KCNB2: variants seen among roughly 807,000 people sequenced by gnomAD.
The protein encoded by KCNB2 is potassium voltage-gated channel subfamily B member 2.
Under a neutral mutation model 61.5 loss-of-function variants are expected in KCNB2, and 15 were observed. That is an observed-to-expected ratio of 0.24 (90% confidence interval 0.16 to 0.38). The LOEUF is 0.38. KCNB2 is among the 10% of genes least tolerant of loss of function. The pLI, the probability that KCNB2 is intolerant of heterozygous loss-of-function variation, is 1.00. For synonymous variants in KCNB2, 457 were observed against 446.0 expected (o/e 1.02, Z -0.31); for missense variants, 828 against 1,125.2 (o/e 0.74, Z 3.78).
chr8:72,539,350 C>T (rs1373124974), intron 1 of KCNB2, among the ~76,000 whole-genome samples: 3 of 152,206 alleles, frequency 2.0e-5, no homozygotes, highest in African/African-American at 7.2e-5. Flanking sequence ...TTCTTCCCCA[C>T]TGAAGGAAAA....
chr8:72,645,687 A>C (rs905730572), intron 2 of KCNB2, among the ~76,000 whole-genome samples: 1 of 152,224 alleles, frequency 6.6e-6, no homozygotes, highest in South Asian at 2.1e-4. Flanking sequence ...CTCACAACTA[A>C]ACTGAATTAT....
At chr8:72,546,125 T>G (rs1233113837) in intron 1 of KCNB2, among the ~76,000 whole-genome samples, 1 of 152,158 alleles carries the variant, frequency 6.6e-6, no homozygotes, top group Non-Finnish European at 1.5e-5. Flanking sequence ...TGTTCTTTGT[T>G]CTCTGTTCTT....
chr8:72,928,795 T>C (rs1003559542), intron 2 of KCNB2, among the ~76,000 whole-genome samples: 1 of 151,088 alleles, frequency 6.6e-6, no homozygotes, highest in South Asian at 2.1e-4. Context: ...TTAATAAACA[T>C]TGGCAAACTA....
chr8:72,771,126 A>G (rs1474846834), intron 2 of KCNB2, among the ~76,000 whole-genome samples: 1 of 152,250 alleles, frequency 6.6e-6, no homozygotes, highest in Non-Finnish European at 1.5e-5. Context: ...GGTTGCAATT[A>G]CTACACCAGA....
chr8:72,822,238 T>C (rs1199962399), intron 2 of KCNB2, among the ~76,000 whole-genome samples: 1 of 152,260 alleles, frequency 6.6e-6, no homozygotes, highest in Non-Finnish European at 1.5e-5. Flanking sequence ...TGCCAGATGC[T>C]GTAGTGTTTG....
intron 2 of KCNB2, among the ~76,000 whole-genome samples, chr8:72,584,101 CA>C (rs202241980): frequency 7.5e-6 from 1 of 134,206 alleles, no homozygotes; most frequent in Non-Finnish European, 1.6e-5. Context: ...CAAAACAAAA[CA>C]AAACAAAAAA....
chr8:72,582,751 T>G (rs1458890798), intron 2 of KCNB2, among the ~76,000 whole-genome samples: 1 of 152,118 alleles, frequency 6.6e-6, no homozygotes, highest in Non-Finnish European at 1.5e-5. Flanking sequence ...TAGCTGGGAC[T>G]ATAGATGAGC....
intron 2 of KCNB2, among the ~76,000 whole-genome samples, chr8:72,647,745 G>A (rs1806152022): frequency 6.6e-6 from 1 of 152,132 alleles, no homozygotes; most frequent in South Asian, 2.1e-4. Flanking sequence ...CAAAGTGTTG[G>A]TCAGTGTACA....
At chr8:72,846,038 G>T (rs1370255417) in intron 2 of KCNB2, among the ~76,000 whole-genome samples, 1 of 151,810 alleles carries the variant, frequency 6.6e-6, no homozygotes, top group East Asian at 1.9e-4. Context: ...ACAATCAGCC[G>T]CCCAGTTTTG....
At chr8:72,905,348 C>T (rs1384060886) in intron 2 of KCNB2, among the ~76,000 whole-genome samples, 1 of 152,144 alleles carries the variant, frequency 6.6e-6, no homozygotes, top group Non-Finnish European at 1.5e-5. Context: ...TTCCACAGCT[C>T]TCTACTTCAG....
intron 2 of KCNB2, among the ~76,000 whole-genome samples, chr8:72,784,670 G>A (rs1436752555): frequency 2.0e-5 from 3 of 152,084 alleles, no homozygotes; most frequent in African/African-American, 7.2e-5. Flanking sequence ...GAACAGCATG[G>A]GAGAACTGCC....
intron 2 of KCNB2, among the ~76,000 whole-genome samples, chr8:72,715,457 C>G (rs1333110033): frequency 2.6e-5 from 4 of 152,176 alleles, no homozygotes; most frequent in Non-Finnish European, 5.9e-5. Context: ...TTATAACAAA[C>G]TGTCTCTCAG....
At chr8:72,678,468 G>A (rs749881955) in intron 2 of KCNB2, among the ~76,000 whole-genome samples, 15 of 133,780 alleles carry the variant, frequency 1.1e-4, no homozygotes, top group African/African-American at 2.7e-4. Context: ...CCCGACCTCC[G>A]CCCAAGCATT....
At chr8:72,679,013 A>G (rs1319604915) in intron 2 of KCNB2, among the ~76,000 whole-genome samples, 3 of 152,070 alleles carry the variant, frequency 2.0e-5, no homozygotes, top group African/African-American at 7.2e-5. Flanking sequence ...AGTGCCCATC[A>G]CATGGTCAAT....
intron 2 of KCNB2, among the ~76,000 whole-genome samples, chr8:72,897,259 A>G (rs1806007014): frequency 7.0e-6 from 1 of 142,612 alleles, no homozygotes. Flanking sequence ...AAAATAATAC[A>G]AAATCAAGTG....
intron 2 of KCNB2, among the ~76,000 whole-genome samples, chr8:72,799,140 C>T (rs1422906383): frequency 2.0e-5 from 3 of 152,188 alleles, no homozygotes; most frequent in African/African-American, 4.8e-5. Flanking sequence ...ACCATCTTCT[C>T]ACCTCTATAG....
Position 72,714,559 on chromosome 8 carries a change from T to C in KCNB2, c.579+146246T>C, listed in dbSNP as rs60460894. On this transcript the variant is annotated intron_variant, in intron 2 of 2. Transcript: ENST00000523207. ...CCCAGAATTTCATATCCAGCCAAAT[T>C]AAGCTTCATAAGTGAAGGAGAAATA... is the stretch of plus-strand genomic sequence containing the variant. 2.1e-3 allele frequency among the ~76,000 whole-genome samples: 314 copies of C among 152,206 alleles called. 1 individual carries two copies. Among genetic ancestry groups the C allele is most frequent in the African/African-American group, 7.2e-3 (299 of 41,532 alleles).
chr8:72,644,728 AC>A (rs1806104103), intron 2 of KCNB2, among the ~76,000 whole-genome samples: 1 of 152,060 alleles, frequency 6.6e-6, no homozygotes, highest in African/African-American at 2.4e-5. Context: ...GTTGAGTACA[AC>A]TTTCCCTGTG....
At chr8:72,668,746 A>T (rs1357472423) in intron 2 of KCNB2, among the ~76,000 whole-genome samples, 4 of 152,018 alleles carry the variant, frequency 2.6e-5, no homozygotes, top group Non-Finnish European at 5.9e-5. Context: ...AGTCATGATT[A>T]TGTTTGTGTG....
Sources: gnomAD v4.1 joint callset for allele counts (sites outside exome capture counted in the v4.1 genomes callset) on GRCh38, gnomAD v4.1.1 for gene constraint, MANE v1.5 for transcripts, NCBI Gene and HGNC (gene_info 2026-07-23, HGNC 2026-07-21) for gene names.